Variants in UTRN observed in about 807,000 individuals in gnomAD.
UTRN encodes the protein utrophin.
Under a neutral mutation model 463.9 loss-of-function variants are expected in UTRN, and 283 were observed. That is an observed-to-expected ratio of 0.61 (90% CI 0.55 to 0.67). The LOEUF (loss-of-function observed/expected upper bound fraction) is 0.67, where lower values mean the gene tolerates loss of function less well. Among genes scored for constraint, UTRN ranks in the 30% least tolerant of loss-of-function variants. The pLI is 0.00. For missense variants in UTRN, 3,922 were observed against 4,084.3 expected (o/e 0.96, Z 1.08); for synonymous variants, 1,442 against 1,431.5 (o/e 1.01, Z -0.17).
chr6:144,754,898 AT>A, intron 57 of UTRN, 100 bp downstream of exon 57: 1 of 1,128,922 alleles, frequency 8.9e-7, no homozygotes, highest in Non-Finnish European at 1.3e-6. Context: ...AAATATGTTT[AT>A]TTAGATAGAT....
At chr6:144,312,606 A>C (rs1710261849) in intron 2 of UTRN, among the ~76,000 whole-genome samples, 1 of 152,178 alleles carries the variant, frequency 6.6e-6, no homozygotes, top group Non-Finnish European at 1.5e-5. Context: ...ATATATACAG[A>C]ATTTCCCTTT....
At position 144,374,196 on chromosome 6, in the gene UTRN, A is replaced by AT. The variant is rs1584495297; in HGVS notation, c.80-28923dup. ...TTAGTTTTTTATTTTTGGTTGAATA[A>AT]TTTTAGTTTAGTTCATGGAATAAGG... On this transcript the variant is annotated intron_variant, in intron 2 of 74. Transcript: ENST00000367545. 2.0e-5 allele frequency among the ~76,000 whole-genome samples: 3 copies of AT among 152,204 alleles called. No individual in the cohort carries two copies. In the East Asian group the frequency reaches 5.8e-4, roughly 29 times the overall value.
chr6:144,774,236 C>A lies in UTRN; in HGVS notation c.8558-54C>A, dbSNP rs368836993. 509 of 1,459,444 alleles carry A rather than the reference C, an allele frequency of 3.5e-4. 7 individuals are homozygous for A. In the South Asian group the frequency reaches 6.2e-3, roughly 18 times the overall value. The allele number at this position is 1,459,444 out of a possible 1,614,324, so 90.4% of individuals were successfully genotyped here. On this transcript the variant is annotated intron_variant, in intron 59 of 74. Transcript: ENST00000367545. ...AGTAACCAAATACATTCTGGGCATTCAATATATATTCAATAATAAGCCTAT... is the reference window on the plus strand; with the variant it reads ...AGTAACCAAATACATTCTGGGCATTAAATATATATTCAATAATAAGCCTAT...
At chr6:144,609,244 A>G (rs185971403) in intron 51 of UTRN, among the ~76,000 whole-genome samples, 13 of 152,342 alleles carry the variant, frequency 8.5e-5, no homozygotes, top group Admixed American at 3.3e-4. Context: ...TGAAGGGGTG[A>G]AAAAAGATAT....
At chr6:144,485,308 T>G (rs1792325087) in intron 27 of UTRN, 77 bp from the exon 28 acceptor site, 1 of 1,559,478 alleles carries the variant, frequency 6.4e-7, no homozygotes, top group Non-Finnish European at 8.7e-7. Flanking sequence ...TTATTAGCGA[T>G]TAAAGAGAAT....
At chr6:144,608,223 C>T (rs1805085155) in intron 51 of UTRN, among the ~76,000 whole-genome samples, 1 of 152,178 alleles carries the variant, frequency 6.6e-6, no homozygotes, top group African/African-American at 2.4e-5. Context: ...GACTGACCTC[C>T]TCAGAAGAAA....
At chr6:144,323,875 C>A (rs527367312) in intron 2 of UTRN, among the ~76,000 whole-genome samples, 2 of 152,298 alleles carry the variant, frequency 1.3e-5, no homozygotes, top group Admixed American at 1.3e-4. Flanking sequence ...TTTTCTCCAT[C>A]CTTAGGTAGC....
intron 52 of UTRN, among the ~76,000 whole-genome samples, chr6:144,683,690 G>A (rs560051073): frequency 2.6e-5 from 4 of 151,900 alleles, no homozygotes; most frequent in South Asian, 4.2e-4. Flanking sequence ...TGCCTACTTC[G>A]CTTGAAACTC....
intron 53 of UTRN, among the ~76,000 whole-genome samples, chr6:144,722,184 C>T (rs1428175848): frequency 1.3e-5 from 2 of 152,204 alleles, no homozygotes; most frequent in African/African-American, 4.8e-5. Context: ...CCTCATTCTT[C>T]ACTCACTCAG....
At chr6:144,712,336 A>T (rs1441197594) in intron 53 of UTRN, among the ~76,000 whole-genome samples, 1 of 152,144 alleles carries the variant, frequency 6.6e-6, no homozygotes, top group Non-Finnish European at 1.5e-5. Flanking sequence ...TAATATTGCA[A>T]CTTTACCCCA....
At chr6:144,511,832 T>A (rs1343242135) in intron 35 of UTRN, among the ~76,000 whole-genome samples, 1 of 152,190 alleles carries the variant, frequency 6.6e-6, no homozygotes, top group Non-Finnish European at 1.5e-5. Flanking sequence ...TGATACTAAT[T>A]GTGAATATAT....
intron 33 of UTRN, among the ~76,000 whole-genome samples, chr6:144,497,633 A>T (rs1793788084): frequency 6.6e-6 from 1 of 151,568 alleles, no homozygotes. Context: ...GTGAGTCAAG[A>T]TTGTGCCACT....
rs374125613 is a variant in UTRN, at chr6:144,286,407, A to G, written c.-93+586A>G. ...GACCTCTGGGTGGTTGCTGCTCCCAAGGGTGGGGCTCCGGAGAGTGTGGCG... is the reference window on the plus strand; with the variant it reads ...GACCTCTGGGTGGTTGCTGCTCCCAGGGGTGGGGCTCCGGAGAGTGTGGCG... On this transcript the variant is annotated intron_variant, in intron 1 of 74. Transcript: ENST00000367545. The surrounding 1 kb of genome is among the most constrained non-coding windows in gnomAD (Gnocchi z 4.4). Among the ~76,000 whole-genome samples, 45 of 151,990 alleles carry G rather than the reference A, an allele frequency of 3.0e-4. No individual in the cohort carries two copies. The East Asian group carries it at 5.6e-3, about 19-fold the overall frequency.
In UTRN at chr6:144,835,935, A is replaced by T; in HGVS notation, c.9821A>T (p.Gln3274Leu). The T allele has an allele frequency of 6.2e-7, 1 of 1,613,980 alleles. No homozygotes were observed. Among genetic ancestry groups the T allele is most frequent in the Middle Eastern group, 1.7e-4 (1 of 6,058 alleles). Residue 3274 changes from glutamine (Q) to leucine (L), a missense_variant, in exon 70 of 75, where the codon CAA becomes CTA. By Grantham distance (113) the Gln-to-Leu change is moderately radical. Around this residue, in one of 3 missense-constraint regions of UTRN, gnomAD observed 1,309 missense variants for 1,452.6 expected, o/e 0.90. Coordinates refer to ENST00000367545, the MANE Select transcript of UTRN (RefSeq NM_007124.3). ...ERIIADLEEE[Q>L]RNLQVEYEQL... ...ATCATTGCTGACCTGGAGGAAGAAC[A>T]AAGGTGTGCTAGGCCTGGGAGAAGG...
intron 2 of UTRN, among the ~76,000 whole-genome samples, chr6:144,379,780 G>A (rs183162881): frequency 1.6e-4 from 25 of 152,330 alleles, no homozygotes. Context: ...AAAGGTTTGG[G>A]CTGGAAATAA....
At chr6:144,671,110 C>A (rs947793914) in intron 51 of UTRN, among the ~76,000 whole-genome samples, 4 of 150,050 alleles carry the variant, frequency 2.7e-5, no homozygotes, top group Admixed American at 1.3e-4. Flanking sequence ...CTTGCTTTGG[C>A]TATGTGGGGT....
intron 57 of UTRN, 117 bp from the exon 58 acceptor site, chr6:144,757,812 C>A: frequency 1.2e-6 from 1 of 849,670 alleles, no homozygotes; most frequent in South Asian, 2.4e-5. Context: ...TATAGGAATC[C>A]AGCTCAGAAA....
At chr6:144,661,729 G>T (rs113165409) in intron 51 of UTRN, among the ~76,000 whole-genome samples, 9,597 of 152,192 alleles carry the variant, frequency 0.063, 428 homozygotes, top group Non-Finnish European at 0.094. Flanking sequence ...CCCCTGAGAG[G>T]CAGTAATTGT....
At chr6:144,498,758 G>A (rs568393155) in intron 33 of UTRN, among the ~76,000 whole-genome samples, 7 of 151,968 alleles carry the variant, frequency 4.6e-5, no homozygotes, top group African/African-American at 7.2e-5. Context: ...GGGCTCAAGC[G>A]ATTCTCCCAC....
Sources: gnomAD v4.1 joint callset for allele counts (sites outside exome capture counted in the v4.1 genomes callset) on GRCh38, gnomAD v4.1.1 for gene constraint, gnomAD v4.1.1 regional missense constraint, Gnocchi (gnomAD v3.1) non-coding constraint, MANE v1.5 for transcripts, NCBI Gene and HGNC (gene_info 2026-07-23, HGNC 2026-07-21) for gene names.